Variants in MTMR3 observed in about 807,000 individuals in gnomAD.
MTMR3 encodes the protein myotubularin related protein 3.
In MTMR3, 32 loss-of-function variants were observed where a neutral mutation model predicts 132.4. The ratio of observed to expected loss-of-function variants is 0.24; its 90% CI spans 0.18 to 0.32. MTMR3 has a LOEUF of 0.32. Ranked by LOEUF, MTMR3 falls within the 10% of genes least tolerant of loss-of-function variation. MTMR3 has a pLI of 1.00. For synonymous variants in MTMR3, 556 were observed against 550.3 expected (o/e 1.01, Z -0.14); for missense variants, 1,216 against 1,489.6 (o/e 0.82, Z 3.02).
intron 5 of MTMR3, chr22:29,979,288 C>G: frequency 3.1e-6 from 1 of 326,878 alleles, no homozygotes; most frequent in East Asian, 7.6e-5. Context: ...GTCAGGAGAT[C>G]GAGACCATCC....
rs866038145 is a variant in MTMR3, at chr22:29,949,523, A to T, written c.-137-7513A>T. On this transcript the variant is annotated intron_variant, in intron 1 of 19. Transcript: ENST00000401950. ...GCGCCCCCCCCCAAAAAAAAAAAAC[A>T]ACACACGTACACATAAACCCACAAA... Among the ~76,000 whole-genome samples, 57 of 142,526 alleles carry T rather than the reference A, an allele frequency of 4.0e-4. 1 individual carries two copies. The Middle Eastern group carries it at 0.025, about 62-fold the overall frequency. The allele number at this position is 142,526 out of a possible 152,430, so 93.5% of individuals were successfully genotyped here.
intron 9 of MTMR3, chr22:30,004,778 T>A (rs1655606289): frequency 6.6e-6 from 1 of 152,200 alleles, no homozygotes; most frequent in Non-Finnish European, 1.5e-5. Flanking sequence ...AAGAATCGGA[T>A]CCTCCACCAT....
Position 29,971,035 on chromosome 22 carries a change from C to G in MTMR3, c.-25C>G. 6.7e-7 allele frequency: 1 copy of G among 1,496,966 alleles called. No homozygotes were observed. Among genetic ancestry groups the G allele is most frequent in the Non-Finnish European group, 9.0e-7 (1 of 1,117,002 alleles). The allele number at this position is 1,496,966 out of a possible 1,614,324, so 92.7% of individuals were successfully genotyped here. A position where few individuals can be genotyped will look rare whatever the true frequency, so the allele number is the denominator to read the frequency against. On this transcript the variant is annotated 5_prime_UTR_variant, in exon 3 of 20. Coordinates refer to ENST00000401950, the MANE Select transcript of MTMR3 (RefSeq NM_021090.4). ...GACACTGAAGAAGGGACGGGGATTT[C>G]TCCTCCTAATCTGGGCCTCTTGTCA...
At chr22:29,885,466 T>C (rs1182463614) in intron 1 of MTMR3, among the ~76,000 whole-genome samples, 1 of 152,208 alleles carries the variant, frequency 6.6e-6, no homozygotes, top group African/African-American at 2.4e-5. Context: ...AAACAAGTTA[T>C]TAGGAACACA....
intron 7 of MTMR3, 81 bp from the exon 8 acceptor site, chr22:29,998,680 T>C: frequency 1.3e-6 from 1 of 792,110 alleles, no homozygotes; most frequent in Non-Finnish European, 2.0e-6. Context: ...GTAACATATG[T>C]ATATTTCTTT....
In MTMR3 at chr22:30,020,445, A is replaced by G. The variant is rs149113635; in HGVS notation, c.2786A>G (p.Asn929Ser). Residue 929 changes from asparagine (N) to serine (S), a missense_variant, in exon 17 of 20, where the codon AAT becomes AGT. Asn to Ser is a conservative substitution (Grantham distance 46, BLOSUM62 1). Coordinates refer to ENST00000401950, the MANE Select transcript of MTMR3 (RefSeq NM_021090.4). ...GAATGTAAAGAGGGGCTTGTGTGCA[A>G]TGGTGCCCCAGAGACTGAAAACAGG... is the stretch of plus-strand genomic sequence containing the variant. The part of the protein sequence containing the change: ...LAECKEGLVC[N>S]GAPETENRAS... 9.9e-5 allele frequency: 159 copies of G among 1,614,130 alleles called. No homozygotes were observed. Among genetic ancestry groups the G allele is most frequent in the African/African-American group, 2.9e-4 (22 of 75,016 alleles).
At chr22:30,003,882 C>G (rs1352515256) in intron 9 of MTMR3, 1 of 152,170 alleles carries the variant, frequency 6.6e-6, no homozygotes, top group African/African-American at 2.4e-5. Flanking sequence ...TTACATTCTC[C>G]ATTTCATTTT....
chr22:29,928,665 T>C (rs75643554), intron 1 of MTMR3, among the ~76,000 whole-genome samples: 24 of 152,014 alleles, frequency 1.6e-4, no homozygotes, highest in Non-Finnish European at 2.9e-5. Flanking sequence ...GTGTGAAGTT[T>C]AAAAAAAATT....
Position 30,009,012 on chromosome 22 carries a change from C to T in MTMR3, c.1010-6C>T. 6.4e-7 allele frequency: 1 copy of T among 1,570,014 alleles called. No individual in the cohort carries two copies. The highest frequency in any genetic ancestry group is 8.8e-7 in the Non-Finnish European group (1 of 1,139,866). ...TTTGTGTTCTCTTTATTGTTACTCT[C>T]TCCAGAGTATTACCCAAACTGTGAA... On this transcript the variant is annotated splice_polypyrimidine_tract_variant and splice_region_variant and intron_variant, in intron 11 of 19. Coordinates refer to ENST00000401950, the MANE Select transcript of MTMR3 (RefSeq NM_021090.4).
At chr22:30,018,181 T>C (rs2067647849) in intron 16 of MTMR3, 109 bp downstream of exon 16, 11 of 1,243,220 alleles carry the variant, frequency 8.8e-6, no homozygotes, top group South Asian at 1.7e-5. Context: ...CTCCACAGTA[T>C]CTTTCTTAGG....
intron 7 of MTMR3, chr22:29,998,115 A>AGCAT (rs1158893676): frequency 6.6e-6 from 1 of 152,204 alleles, no homozygotes; most frequent in African/African-American, 2.4e-5. Flanking sequence ...GTAGGACAAG[A>AGCAT]GCATGGCTTC....
intron 1 of MTMR3, among the ~76,000 whole-genome samples, chr22:29,905,834 G>A (rs572464706): frequency 1.3e-5 from 2 of 152,154 alleles, no homozygotes; most frequent in African/African-American, 4.8e-5. Context: ...TTAAATTTGT[G>A]CACTAAACAC....
At chr22:30,012,662 A>C in intron 13 of MTMR3, 99 bp downstream of exon 13, 2 of 1,292,388 alleles carry the variant, frequency 1.5e-6, no homozygotes, top group Non-Finnish European at 2.1e-6. Flanking sequence ...CGGTTAAAGA[A>C]AGTGAAATTT....
At chr22:29,926,458 A>G (rs1363595832) in intron 1 of MTMR3, among the ~76,000 whole-genome samples, 2 of 152,198 alleles carry the variant, frequency 1.3e-5, no homozygotes, top group Non-Finnish European at 2.9e-5. Flanking sequence ...TTGAAGAACT[A>G]CCACACTGTT....
At chr22:30,006,938 T>C (rs1450834050) in intron 9 of MTMR3, 176 bp from the exon 10 acceptor site, 2 of 615,100 alleles carry the variant, frequency 3.3e-6, no homozygotes, top group African/African-American at 1.8e-5. Flanking sequence ...ACAGGTTTTG[T>C]TGTTTGTTCT....
At chr22:29,919,668 A>T (rs572005009) in intron 1 of MTMR3, among the ~76,000 whole-genome samples, 1 of 151,902 alleles carries the variant, frequency 6.6e-6, no homozygotes, top group East Asian at 1.9e-4. Flanking sequence ...GACTACAGGC[A>T]TGTGCCACCA....
chr22:29,925,223 G>A lies in MTMR3; in HGVS notation c.-137-31813G>A, dbSNP rs2065492101. 4.6e-5 allele frequency among the ~76,000 whole-genome samples: 7 copies of A among 152,088 alleles called. No homozygotes were observed. The South Asian group carries it at 1.5e-3, about 32-fold the overall frequency. ...AGTTTTACTGTTTTTTGTAGAGATG[G>A]AGTCTGACTATGTTAGTCAGATCGG... On this transcript the variant is annotated intron_variant, in intron 1 of 19. Coordinates refer to ENST00000401950, the MANE Select transcript of MTMR3 (RefSeq NM_021090.4).
At chr22:29,901,188 C>T (rs1423520720) in intron 1 of MTMR3, among the ~76,000 whole-genome samples, 4 of 151,756 alleles carry the variant, frequency 2.6e-5, no homozygotes, top group African/African-American at 9.7e-5. Context: ...ATATTTATTA[C>T]TTGGGCTTTA....
chr22:29,888,561 T>C (rs73394897), intron 1 of MTMR3, among the ~76,000 whole-genome samples: 4,954 of 152,288 alleles, frequency 0.033, 285 homozygotes, highest in African/African-American at 0.11. Context: ...GTTGATTTAA[T>C]GAACAAAGCA....
Sources: gnomAD v4.1 joint callset for allele counts (sites outside exome capture counted in the v4.1 genomes callset) on GRCh38, gnomAD v4.1.1 for gene constraint, MANE v1.5 for transcripts, NCBI Gene and HGNC (gene_info 2026-07-23, HGNC 2026-07-21) for gene names.